Variants in FANCC observed in about 807,000 individuals in gnomAD.
FANCC encodes FA complementation group C, also known as Fanconi anemia group C protein.
A neutral mutation model predicts 71.3 loss-of-function variants in FANCC; 55 were observed. The observed-to-expected ratio is 0.77, with a 90% CI of 0.62 to 0.97. The LOEUF (loss-of-function observed/expected upper bound fraction) is 0.97. FANCC is among the 50% of genes least tolerant of loss of function. FANCC has a pLI of 0.00. For synonymous variants in FANCC, 275 were observed against 244.9 expected (o/e 1.12, Z -1.15); for missense variants, 678 against 670.9 (o/e 1.01, Z -0.12).
At chr9:95,304,410 A>C (rs754984191) in intron 1 of FANCC, among the ~76,000 whole-genome samples, 1 of 152,048 alleles carries the variant, frequency 6.6e-6, no homozygotes, top group Non-Finnish European at 1.5e-5. Context: ...TAAAAACACC[A>C]AAAGAATTCA....
chr9:95,181,253 G>A (rs561366053), intron 4 of FANCC, among the ~76,000 whole-genome samples: 1 of 151,868 alleles, frequency 6.6e-6, no homozygotes, highest in Non-Finnish European at 1.5e-5. Flanking sequence ...AAGTGGCTAT[G>A]AAGTGCCACA....
At chr9:95,244,705 A>C (rs923632570) in intron 3 of FANCC, among the ~76,000 whole-genome samples, 3 of 147,802 alleles carry the variant, frequency 2.0e-5, no homozygotes, top group Non-Finnish European at 4.4e-5. Flanking sequence ...AAAAAAAAAA[A>C]AAAAAAAACC....
chr9:95,139,481 T>G (rs1315032421), intron 7 of FANCC, among the ~76,000 whole-genome samples: 1 of 152,070 alleles, frequency 6.6e-6, no homozygotes, highest in Non-Finnish European at 1.5e-5. Flanking sequence ...TCCTTATATA[T>G]GATAAGGACA....
intron 4 of FANCC, among the ~76,000 whole-genome samples, chr9:95,188,293 T>C (rs1222709778): frequency 1.3e-5 from 2 of 152,150 alleles, no homozygotes; most frequent in African/African-American, 2.4e-5. Flanking sequence ...AAGGCAGGTG[T>C]CACGCCACTA....
At chr9:95,242,119 A>G (rs1830666170) in intron 3 of FANCC, among the ~76,000 whole-genome samples, 1 of 152,204 alleles carries the variant, frequency 6.6e-6, no homozygotes, top group South Asian at 2.1e-4. Flanking sequence ...TGCTTTTCCA[A>G]TAACTAACAT....
chr9:95,289,677 G>T lies in FANCC; in HGVS notation c.-79+27849C>A, dbSNP rs114801236. 4.1e-3 allele frequency among the ~76,000 whole-genome samples: 625 copies of T among 152,172 alleles called. 4 individuals are homozygous for T. The highest frequency in any genetic ancestry group is 0.014 in the African/African-American group (586 of 41,486). On this transcript the variant is annotated intron_variant, in intron 1 of 14. Transcript: ENST00000289081. ...TATTTTATTGACTGACTGAGACAGG[G>T]TCTTGCTCTGTCACCCAGGCTGGAG...
In FANCC at chr9:95,308,497, G is replaced by A. The variant is rs117643561; in HGVS notation, c.-79+9029C>T. Among the ~76,000 whole-genome samples the A allele has an allele frequency of 3.3e-3, 507 of 152,086 alleles. 9 individuals are homozygous for A. In the East Asian group the frequency reaches 0.044, roughly 13 times the overall value. ...AGACAGGTTTCACCCTGTTGGCCAGGCTGGAGTCGAACTCCTGACCTCAAG... is the reference window on the plus strand; with the variant it reads ...AGACAGGTTTCACCCTGTTGGCCAGACTGGAGTCGAACTCCTGACCTCAAG... On this transcript the variant is annotated intron_variant, in intron 1 of 14. Coordinates refer to ENST00000289081, the MANE Select transcript of FANCC (RefSeq NM_000136.3).
rs867253899 is a variant in FANCC at position 95,099,759 on chromosome 9, G to A, written c.*1948C>T. 4.7e-5 allele frequency: 11 copies of A among 232,510 alleles called. No individual in the cohort carries two copies. The highest frequency in any genetic ancestry group is 1.5e-4 in the African/African-American group (7 of 45,316). The allele number at this position is 232,510 out of a possible 1,614,324, so 14.4% of individuals were successfully genotyped here. A position where few individuals can be genotyped will look rare whatever the true frequency, so the allele number is the denominator to read the frequency against. On this transcript the variant is annotated 3_prime_UTR_variant, in exon 15 of 15. Transcript: ENST00000289081. ...AAGGCCGCCTCCACCGCACCCGTGA[G>A]AGGACTCGGCAGCTGTGAAGGAACT...
At chr9:95,108,278 G>C (rs117795230) in intron 13 of FANCC, among the ~76,000 whole-genome samples, 1 of 152,208 alleles carries the variant, frequency 6.6e-6, no homozygotes, top group Non-Finnish European at 1.5e-5. Context: ...CACGGGGAGC[G>C]GCAGCGCTCC....
intron 7 of FANCC, among the ~76,000 whole-genome samples, chr9:95,140,936 C>T (rs527255726): frequency 1.3e-5 from 2 of 152,028 alleles, no homozygotes; most frequent in African/African-American, 2.4e-5. Context: ...GGCAATTACA[C>T]GTCAATATAA....
intron 4 of FANCC, among the ~76,000 whole-genome samples, chr9:95,235,844 CAAAAAAA>C (rs10666439): frequency 1.1e-4 from 4 of 36,222 alleles, no homozygotes; most frequent in Non-Finnish European, 8.9e-5. Context: ...AACTCCACCT[CAAAAAAA>C]AAAAAAAAAA....
intron 14 of FANCC, among the ~76,000 whole-genome samples, chr9:95,106,563 C>T (rs1315976277): frequency 6.6e-6 from 1 of 152,210 alleles, no homozygotes; most frequent in Non-Finnish European, 1.5e-5. Context: ...AAAGAGTGCT[C>T]ACTTTTGACT....
chr9:95,278,081 T>C (rs1223381271), intron 1 of FANCC, among the ~76,000 whole-genome samples: 2 of 152,202 alleles, frequency 1.3e-5, no homozygotes, highest in Admixed American at 1.3e-4. Context: ...AGGAATAAGA[T>C]ATGTAAATAT....
At chr9:95,110,611 G>T (rs1245564279) in intron 13 of FANCC, 2 of 1,039,914 alleles carry the variant, frequency 1.9e-6, no homozygotes, top group Non-Finnish European at 2.3e-6. Flanking sequence ...TGCCATGCAA[G>T]CCTTTAAACA....
At chr9:95,158,929 TG>T (rs1422122338) in intron 6 of FANCC, among the ~76,000 whole-genome samples, 5 of 152,054 alleles carry the variant, frequency 3.3e-5, no homozygotes, top group Non-Finnish European at 5.9e-5. Flanking sequence ...AAGATGAAAA[TG>T]TAACCTAAGA....
chr9:95,301,765 T>C (rs557024398), intron 1 of FANCC, among the ~76,000 whole-genome samples: 2 of 151,792 alleles, frequency 1.3e-5, no homozygotes, highest in Non-Finnish European at 2.9e-5. Context: ...GAAATAAAAA[T>C]AACAACAGTT....
At chr9:95,299,502 G>T (rs562922782) in intron 1 of FANCC, among the ~76,000 whole-genome samples, 1 of 152,278 alleles carries the variant, frequency 6.6e-6, no homozygotes, top group Admixed American at 6.5e-5. Context: ...CCCCAGAATA[G>T]GTTTTATCCC....
intron 4 of FANCC, among the ~76,000 whole-genome samples, chr9:95,194,455 G>A (rs760301976): frequency 2.0e-5 from 3 of 152,174 alleles, no homozygotes; most frequent in Admixed American, 6.5e-5. Flanking sequence ...CCACAGCCAT[G>A]TTCCTACCAA....
intron 4 of FANCC, among the ~76,000 whole-genome samples, chr9:95,210,912 G>A (rs1452914997): frequency 6.6e-6 from 1 of 152,108 alleles, no homozygotes; most frequent in Non-Finnish European, 1.5e-5. Flanking sequence ...TTTGTAACCT[G>A]AAAAATGTTA....
Sources: allele counts gnomAD v4.1 joint callset (sites outside exome capture counted in the v4.1 genomes callset), GRCh38; gene constraint gnomAD v4.1.1; transcripts MANE v1.5; gene names NCBI Gene and HGNC (gene_info 2026-07-23, HGNC 2026-07-21).